CPQ: variants seen among roughly 807,000 people sequenced by gnomAD.
CPQ encodes the protein carboxypeptidase Q, also known as Ser-Met dipeptidase.
A neutral mutation model predicts 45.7 loss-of-function variants in CPQ; 37 were observed. The observed-to-expected ratio is 0.81, with a 90% CI of 0.62 to 1.07. CPQ has a LOEUF of 1.07. CPQ is among the 50% of genes least tolerant of loss of function. The probability of loss-of-function intolerance (pLI) is 0.00; values close to 1 mark genes in which losing one functional copy is unlikely to be tolerated. For synonymous variants in CPQ, 186 were observed against 205.8 expected, an observed-to-expected ratio of 0.90 and a Z score of 0.82; for missense variants, 537 against 572.9, an observed-to-expected ratio of 0.94 and a Z score of 0.64.
chr8:97,009,750 T>TA (rs1809448890), intron 5 of CPQ, among the ~76,000 whole-genome samples: 1 of 152,008 alleles, frequency 6.6e-6, no homozygotes, highest in African/African-American at 2.4e-5. Flanking sequence ...AGTGAGGGAG[T>TA]AACGAGTGGT....
chr8:96,855,616 A>T lies in CPQ; in HGVS notation c.641+20436A>T, dbSNP rs894410994. Among the ~76,000 whole-genome samples, 4 of 152,322 alleles carry T rather than the reference A, an allele frequency of 2.6e-5. No individual in the cohort carries two copies. In the East Asian group the frequency reaches 5.8e-4, roughly 22 times the overall value. On this transcript the variant is annotated intron_variant, in intron 3 of 7. Coordinates refer to ENST00000220763, the MANE Select transcript of CPQ (RefSeq NM_016134.4). ...AGCCGCTCTCATTTATTCATTCACG[A>T]AAATGTATCAGGCCTACCCTGTGAA...
intron 7 of CPQ, among the ~76,000 whole-genome samples, chr8:97,085,570 TA>T (rs1022987301): frequency 6.6e-6 from 1 of 152,182 alleles, no homozygotes; most frequent in African/African-American, 2.4e-5. Context: ...ACACCTCAGA[TA>T]TTTGGCAATA....
chr8:96,754,737 A>G lies in CPQ; in HGVS notation c.-34-30127A>G, dbSNP rs575005277. ...GGAATTCTCTTTTAATTCTTAAAAT[A>G]TGTTTCATTTACCTGTTGGTAAATA... On this transcript the variant is annotated intron_variant, in intron 1 of 7. Coordinates refer to ENST00000220763, the MANE Select transcript of CPQ (RefSeq NM_016134.4). Among the ~76,000 whole-genome samples, 215 of 152,200 alleles carry G rather than the reference A, an allele frequency of 1.4e-3. 4 individuals are homozygous for G. The highest frequency in any genetic ancestry group is 0.011 in the Admixed American group (166 of 15,274).
intron 7 of CPQ, among the ~76,000 whole-genome samples, 198 bp downstream of exon 7, chr8:97,066,408 C>T (rs921318260): frequency 1.3e-5 from 2 of 152,126 alleles, no homozygotes; most frequent in Non-Finnish European, 2.9e-5. Context: ...CCATCTGTAT[C>T]CCTCCACTCT....
rs1023706122 is a variant in CPQ, at chr8:97,066,103, C to T, written c.1148C>T (p.Ala383Val). The T allele has an allele frequency of 9.3e-6, 15 of 1,612,348 alleles. No individual in the cohort carries two copies. The highest frequency in any genetic ancestry group is 1.3e-5 in the Non-Finnish European group (15 of 1,179,562). Residue 383 changes from alanine (A) to valine (V), a missense_variant, in exon 7 of 8, where the codon GCC becomes GTC. Transcript: ENST00000220763. ...TTCACTGGCAGTGAAAAGGCCAGGG[C>T]CATCATGGAGGAGGTTATGAGCCTG... ...LQFTGSEKAR[A>V]IMEEVMSLLQ... is the part of the protein sequence containing the mutation.
At chr8:97,007,301 A>G (rs1809400513) in intron 5 of CPQ, among the ~76,000 whole-genome samples, 1 of 152,220 alleles carries the variant, frequency 6.6e-6, no homozygotes, top group South Asian at 2.1e-4. Flanking sequence ...CTTTTCAGTT[A>G]GATCTTTATC....
At chr8:96,797,065 C>A (rs541222410) in intron 2 of CPQ, among the ~76,000 whole-genome samples, 1 of 152,290 alleles carries the variant, frequency 6.6e-6, no homozygotes, top group African/African-American at 2.4e-5. Context: ...TACCATGATT[C>A]CTGTTGCCTT....
At chr8:96,911,826 T>C (rs1812668534) in intron 4 of CPQ, among the ~76,000 whole-genome samples, 1 of 152,238 alleles carries the variant, frequency 6.6e-6, no homozygotes, top group Admixed American at 6.5e-5. Flanking sequence ...GCCATTTCTG[T>C]GGGCATTTTA....
chr8:96,896,957 A>G (rs1171449516), intron 4 of CPQ, among the ~76,000 whole-genome samples: 2 of 152,216 alleles, frequency 1.3e-5, no homozygotes, highest in Non-Finnish European at 2.9e-5. Context: ...TGTGGTTTCC[A>G]TATTGGATTA....
intron 6 of CPQ, among the ~76,000 whole-genome samples, chr8:97,050,448 A>G (rs1343352772): frequency 6.6e-6 from 1 of 152,236 alleles, no homozygotes; most frequent in Admixed American, 6.5e-5. Context: ...GAATGCATCA[A>G]TAACAAGATA....
intron 1 of CPQ, among the ~76,000 whole-genome samples, chr8:96,750,915 C>G (rs1458854883): frequency 6.6e-6 from 1 of 152,120 alleles, no homozygotes; most frequent in Non-Finnish European, 1.5e-5. Flanking sequence ...GATTAGTTTG[C>G]TGAGGATAAT....
At chr8:96,890,923 C>T (rs981204331) in intron 4 of CPQ, among the ~76,000 whole-genome samples, 1 of 152,140 alleles carries the variant, frequency 6.6e-6, no homozygotes, top group Non-Finnish European at 1.5e-5. Flanking sequence ...AGAAACAGTA[C>T]CATGTATTGG....
At position 96,783,915 on chromosome 8, in the gene CPQ, A is replaced by G. The variant is rs144460432; in HGVS notation, c.-34-949A>G. Among the ~76,000 whole-genome samples the G allele has an allele frequency of 2.3e-3, 347 of 152,308 alleles. 4 individuals are homozygous for G. Among genetic ancestry groups the G allele is most frequent in the African/African-American group, 8.2e-3 (339 of 41,580 alleles). Reference sequence around the variant, plus strand: ...GTATTTACCTATTGTGCATTAGTAAAAAACAGTTTGTGGACTGGTATGGCC... The same window carrying G: ...GTATTTACCTATTGTGCATTAGTAAGAAACAGTTTGTGGACTGGTATGGCC... On this transcript the variant is annotated intron_variant, in intron 1 of 7. Transcript: ENST00000220763.
intron 2 of CPQ, among the ~76,000 whole-genome samples, chr8:96,818,318 G>A (rs543128622): frequency 4.0e-5 from 6 of 150,416 alleles, no homozygotes; most frequent in African/African-American, 1.5e-4. Flanking sequence ...GGTGTAGTTC[G>A]TGGTGCTCCA....
At chr8:97,022,121 C>T (rs1030821674) in intron 5 of CPQ, among the ~76,000 whole-genome samples, 7 of 152,108 alleles carry the variant, frequency 4.6e-5, no homozygotes, top group Non-Finnish European at 7.4e-5. Context: ...CCAACAAAAA[C>T]GTAAAGTTGG....
chr8:97,013,653 G>A (rs966772697), intron 5 of CPQ, among the ~76,000 whole-genome samples: 5 of 152,184 alleles, frequency 3.3e-5, no homozygotes, highest in African/African-American at 1.2e-4. Context: ...ATGGTGTGAG[G>A]AAAATCACAG....
intron 2 of CPQ, among the ~76,000 whole-genome samples, chr8:96,785,666 C>T (rs1810759158): frequency 6.6e-6 from 1 of 152,120 alleles, no homozygotes; most frequent in Admixed American, 6.6e-5. Context: ...AAAACGATGA[C>T]TTCTTCCAAG....
intron 4 of CPQ, among the ~76,000 whole-genome samples, chr8:96,943,777 G>A (rs1162823420): frequency 3.9e-5 from 6 of 152,136 alleles, no homozygotes; most frequent in Non-Finnish European, 8.8e-5. Context: ...TTTCAAAAAT[G>A]TGTCTAGGTA....
intron 4 of CPQ, among the ~76,000 whole-genome samples, chr8:96,952,395 A>C (rs1268370917): frequency 6.6e-6 from 1 of 152,132 alleles, no homozygotes; most frequent in Non-Finnish European, 1.5e-5. Context: ...AGGAGCCTGC[A>C]AAGGAATCTA....
Sources: gnomAD v4.1 joint callset for allele counts (sites outside exome capture counted in the v4.1 genomes callset) on GRCh38, gnomAD v4.1.1 for gene constraint, MANE v1.5 for transcripts, NCBI Gene and HGNC (gene_info 2026-07-23, HGNC 2026-07-21) for gene names.